THSD4: variants seen among roughly 807,000 people sequenced by gnomAD.
The protein encoded by THSD4 is thrombospondin type 1 domain containing 4.
Under a neutral mutation model 119.0 loss-of-function variants are expected in THSD4, and 69 were observed. The observed-to-expected ratio is 0.58, with a 90% confidence interval of 0.48 to 0.71. The LOEUF (loss-of-function observed/expected upper bound fraction) is 0.71. THSD4 is among the 30% of genes least tolerant of loss of function. THSD4 has a pLI of 0.00. For missense variants in THSD4, 1,393 were observed against 1,391.1 expected (o/e 1.00, Z -0.02); for synonymous variants, 524 against 540.4 (o/e 0.97, Z 0.42).
intron 10 of THSD4, among the ~76,000 whole-genome samples, chr15:71,735,917 T>G (rs931305278): frequency 1.3e-5 from 2 of 151,368 alleles, no homozygotes; most frequent in Non-Finnish European, 2.9e-5. Context: ...TTGCTCTCTG[T>G]CTCTCTCACT....
intron 7 of THSD4, among the ~76,000 whole-genome samples, chr15:71,441,545 G>A (rs530204404): frequency 6.7e-5 from 10 of 150,320 alleles, no homozygotes; most frequent in Non-Finnish European, 1.2e-4. Flanking sequence ...ACAGGTGTGC[G>A]CCACCACACC....
chr15:71,340,380 T>G (rs1448930119), intron 6 of THSD4, among the ~76,000 whole-genome samples: 21 of 152,148 alleles, frequency 1.4e-4, no homozygotes, highest in Admixed American at 1.3e-3. Context: ...GAATGGGAGC[T>G]TAGACCCGGT....
Position 71,115,710 on chromosome 15 carries a change from CGCGCGCCCCGCGTCCCCT to C in THSD4, c.-80+20_-80+37del, listed in dbSNP as rs1394483316. 1 of 147,278 alleles carries C rather than the reference CGCGCGCCCCGCGTCCCCT, an allele frequency of 6.8e-6. No individual in the cohort carries two copies. The highest frequency in any genetic ancestry group is 6.8e-5 in the Admixed American group (1 of 14,812). 9.1% of individuals were successfully genotyped at this position (147,278 alleles called of 1,614,324 possible). A position where few individuals can be genotyped will look rare whatever the true frequency, so the allele number is the denominator to read the frequency against. ...ACGCGGACCGCCAGGTGAGCAGAGC[CGCGCGCCCCGCGTCCCCT>C]GCGCGCCGCCCGCGCGGCCCCGACC... On this transcript the variant is annotated intron_variant, in intron 1 of 17. Transcript: ENST00000261862. This position sits in a 1 kb window ranked among gnomAD's most constrained non-coding sequence, Gnocchi z 4.4.
In THSD4 at chr15:71,165,369, A is replaced by C. The variant is rs2043285889; in HGVS notation, c.99+10437A>C. The C allele has an allele frequency of 6.7e-6, 10 of 1,486,734 alleles. No homozygotes were observed. The East Asian group carries it at 2.3e-4, about 34-fold the overall frequency. 92.1% of individuals were successfully genotyped at this position (1,486,734 alleles called of 1,614,324 possible). On this transcript the variant is annotated intron_variant, in intron 3 of 17. Transcript: ENST00000261862. ...CTCCCGACGTTTGCACAAAAAATGC[A>C]TATGATGACATTTTGCCTCTCAGCT...
In THSD4 at chr15:71,299,532, G is replaced by C. The variant is rs144452055; in HGVS notation, c.1015+42817G>C. ...AATCTAAAGAGTTCAGTTCATAGAA[G>C]CAGAGAGTAGAATGGTGGCTATAAT... is the stretch of plus-strand genomic sequence containing the variant. On this transcript the variant is annotated intron_variant, in intron 6 of 17. Coordinates refer to ENST00000261862, the MANE Select transcript of THSD4 (RefSeq NM_024817.3). Among the ~76,000 whole-genome samples the C allele has an allele frequency of 8.5e-4, 130 of 152,332 alleles. 2 individuals are homozygous for C. The highest frequency in any genetic ancestry group is 2.8e-3 in the African/African-American group (116 of 41,570).
chr15:71,411,568 T>G (rs1465343860), intron 6 of THSD4, 119 bp from the exon 7 acceptor site: 1 of 1,140,066 alleles, frequency 8.8e-7, no homozygotes, highest in Non-Finnish European at 1.2e-6. Flanking sequence ...ATGCTTAATT[T>G]TGTGTTATAC....
intron 8 of THSD4, among the ~76,000 whole-genome samples, chr15:71,725,224 A>G (rs991632000): frequency 8.9e-6 from 1 of 111,886 alleles, no homozygotes; most frequent in African/African-American, 3.2e-5. Flanking sequence ...TGGGTTTCTG[A>G]TTACATGGAT....
intron 6 of THSD4, among the ~76,000 whole-genome samples, chr15:71,357,937 A>C (rs531602488): frequency 6.6e-6 from 1 of 152,274 alleles, no homozygotes; most frequent in South Asian, 2.1e-4. Context: ...CGCGATTCCT[A>C]CCAAATACCT....
chr15:71,421,194 A>G, intron 7 of THSD4, among the ~76,000 whole-genome samples: 1 of 85,504 alleles, frequency 1.2e-5, no homozygotes, highest in African/African-American at 3.8e-5. Flanking sequence ...AAAAAGGAGT[A>G]GTTTACACAC....
rs193089932 is a variant in THSD4 at position 71,245,489 on chromosome 15, G to A, written c.912+2393G>A. 3.0e-4 allele frequency among the ~76,000 whole-genome samples: 46 copies of A among 152,172 alleles called. No individual in the cohort carries two copies. The Middle Eastern group carries it at 0.01, about 34-fold the overall frequency. On this transcript the variant is annotated intron_variant, in intron 5 of 17. Coordinates refer to ENST00000261862, the MANE Select transcript of THSD4 (RefSeq NM_024817.3). ...AGCATATAGTCACACTCACAGTTACGACTTATTACAGCCAAAGGATTGAAT... is the reference window on the plus strand; with the variant it reads ...AGCATATAGTCACACTCACAGTTACAACTTATTACAGCCAAAGGATTGAAT...
intron 8 of THSD4, among the ~76,000 whole-genome samples, chr15:71,692,269 G>C (rs570101453): frequency 1.2e-4 from 18 of 152,314 alleles, no homozygotes; most frequent in Admixed American, 1.1e-3. Flanking sequence ...CTGAACTGCT[G>C]CTATGGGTTT....
chr15:71,583,243 C>T (rs192308854), intron 7 of THSD4, among the ~76,000 whole-genome samples: 1 of 152,082 alleles, frequency 6.6e-6, no homozygotes, highest in African/African-American at 2.4e-5. Flanking sequence ...CTTTTTGTTT[C>T]TGTCATATCA....
chr15:71,322,563 T>C (rs1039102003), intron 6 of THSD4, among the ~76,000 whole-genome samples: 1 of 152,234 alleles, frequency 6.6e-6, no homozygotes, highest in African/African-American at 2.4e-5. Flanking sequence ...TTTATTATCT[T>C]AAAACGTTTC....
At chr15:71,539,821 GCTAT>G (rs1253555996) in intron 7 of THSD4, among the ~76,000 whole-genome samples, 1 of 152,092 alleles carries the variant, frequency 6.6e-6, no homozygotes, top group Non-Finnish European at 1.5e-5. Context: ...ATTGAATCAG[GCTAT>G]CTGTGTGCTG....
At chr15:71,470,963 T>C (rs1489111155) in intron 7 of THSD4, among the ~76,000 whole-genome samples, 1 of 152,222 alleles carries the variant, frequency 6.6e-6, no homozygotes, top group African/African-American at 2.4e-5. Flanking sequence ...TCATATATAG[T>C]TTGAAAGTTT....
chr15:71,160,247 G>T (rs1217847347), intron 3 of THSD4, among the ~76,000 whole-genome samples: 1 of 151,974 alleles, frequency 6.6e-6, no homozygotes, highest in Non-Finnish European at 1.5e-5. Flanking sequence ...TTGCATCTAT[G>T]TTCATCAGGA....
At chr15:71,386,184 G>T (rs1254598951) in intron 6 of THSD4, among the ~76,000 whole-genome samples, 1 of 152,170 alleles carries the variant, frequency 6.6e-6, no homozygotes, top group Non-Finnish European at 1.5e-5. Context: ...TGTTTCTGCT[G>T]CCCAAATGTT....
At chr15:71,236,888 C>T (rs2044109697) in intron 4 of THSD4, among the ~76,000 whole-genome samples, 2 of 152,146 alleles carry the variant, frequency 1.3e-5, no homozygotes, top group South Asian at 2.1e-4. Flanking sequence ...GGTTGGAGGG[C>T]GGTTTGGACC....
intron 7 of THSD4, among the ~76,000 whole-genome samples, chr15:71,532,339 TCTCA>T (rs2048626679): frequency 6.8e-6 from 1 of 147,698 alleles, no homozygotes; most frequent in Non-Finnish European, 1.5e-5. Context: ...TGTGATGGAG[TCTCA>T]CTCTGTCACC....
Sources: gnomAD v4.1 joint callset for allele counts (sites outside exome capture counted in the v4.1 genomes callset) on GRCh38, gnomAD v4.1.1 for gene constraint, Gnocchi (gnomAD v3.1) non-coding constraint, MANE v1.5 for transcripts, NCBI Gene and HGNC (gene_info 2026-07-23, HGNC 2026-07-21) for gene names.